Variants in FAM169A observed in about 807,000 individuals in gnomAD.
FAM169A encodes family with sequence similarity 169 member A, also known as soluble lamin-associated protein of 75 kDa.
In FAM169A, 24 loss-of-function variants were observed where a neutral mutation model predicts 75.7. The ratio of observed to expected loss-of-function variants is 0.32; its 90% CI spans 0.23 to 0.45. The LOEUF (loss-of-function observed/expected upper bound fraction) is 0.45, where lower values mean the gene tolerates loss of function less well. FAM169A is among the 20% of genes least tolerant of loss of function. FAM169A has a pLI of 1.00. For missense variants in FAM169A, 673 were observed against 784.0 expected, an observed-to-expected ratio of 0.86 and a Z score of 1.69; for synonymous variants, 271 against 271.0, an observed-to-expected ratio of 1.00 and a Z score of 0.00.
intron 8 of FAM169A, 79 bp downstream of exon 8, chr5:74,804,414 C>A: frequency 3.4e-6 from 2 of 582,212 alleles, no homozygotes; most frequent in South Asian, 9.0e-5. Flanking sequence ...ACATTTAAAA[C>A]TCAAATATAA....
At chr5:74,813,818 T>C (rs201612701) in intron 6 of FAM169A, 22 bp downstream of exon 6, 26 of 1,482,444 alleles carry the variant, frequency 1.8e-5, no homozygotes, top group Non-Finnish European at 2.2e-5. Flanking sequence ...AAGTTTATTA[T>C]TTTTTAACTT....
At chr5:74,788,031 G>A (rs1745783704) in intron 11 of FAM169A, among the ~76,000 whole-genome samples, 1 of 152,110 alleles carries the variant, frequency 6.6e-6, no homozygotes, top group Non-Finnish European at 1.5e-5. Context: ...CTTCCCCAAG[G>A]AGACCTCTGG....
At chr5:74,805,420 C>G in intron 6 of FAM169A, 136 bp from the exon 7 acceptor site, 1 of 583,330 alleles carries the variant, frequency 1.7e-6, no homozygotes, top group Admixed American at 3.3e-5. Flanking sequence ...CAACACAACT[C>G]AAGTATACAG....
chr5:74,779,728 G>C lies in FAM169A; in HGVS notation c.*1732C>G, dbSNP rs1745317809. On this transcript the variant is annotated 3_prime_UTR_variant, in exon 13 of 13. Coordinates refer to ENST00000687041, the MANE Select transcript of FAM169A (RefSeq NM_001376049.1). Reference sequence around the variant, plus strand: ...TCTGGCTTACCTTTGACTAATTAAAGAAAATATAGGGTAATACAATTGTTC... The same window carrying C: ...TCTGGCTTACCTTTGACTAATTAAACAAAATATAGGGTAATACAATTGTTC... 6.6e-6 allele frequency: 1 copy of C among 151,864 alleles called. No homozygotes were observed. Among genetic ancestry groups the C allele is most frequent in the African/African-American group, 2.4e-5 (1 of 41,340 alleles). The allele number at this position is 151,864 out of a possible 1,614,324, so 9.4% of individuals were successfully genotyped here. A position where few individuals can be genotyped will look rare whatever the true frequency, so the allele number is the denominator to read the frequency against.
At chr5:74,783,168 C>T (rs1455203579) in intron 11 of FAM169A, 34 bp from the exon 12 acceptor site, 2 of 1,501,740 alleles carry the variant, frequency 1.3e-6, no homozygotes, top group African/African-American at 1.4e-5. Flanking sequence ...AAAGTAAGGA[C>T]ATGATTACAA....
chr5:74,857,571 G>GAAAAAAAAAAAAAAA (rs1561328873), intron 1 of FAM169A, among the ~76,000 whole-genome samples: 1 of 65,744 alleles, frequency 1.5e-5, no homozygotes, highest in African/African-American at 6.3e-5. Context: ...CCTTGCCGCG[G>GAAAAAAAAAAAAAAA]GAAAAAAAAA....
chr5:74,790,585 A>C (rs1234760226), intron 11 of FAM169A, among the ~76,000 whole-genome samples: 2 of 152,128 alleles, frequency 1.3e-5, no homozygotes, highest in Non-Finnish European at 2.9e-5. Flanking sequence ...GCAGAGGAGG[A>C]TTTTAATAAT....
Position 74,804,604 on chromosome 5 carries a change from T to G in FAM169A, c.801A>C (p.Ala267=). 1 of 1,549,590 alleles carries G rather than the reference T, an allele frequency of 6.5e-7. No homozygotes were observed. The highest frequency in any genetic ancestry group is 8.9e-7 in the Non-Finnish European group (1 of 1,124,290). The change falls in exon 8 of 13, where the codon GCA becomes GCC. Residue 267 remains alanine, a splice_region_variant and synonymous_variant. Transcript: ENST00000687041. ...ALQREALKIL[A]LSQNEPKRPM... ...GTCTTTTAGGTTCATTTTGAGAAAGTGCTGCGTATAGAAGAATTTTAAAAA... is the reference window on the plus strand; with the variant it reads ...GTCTTTTAGGTTCATTTTGAGAAAGGGCTGCGTATAGAAGAATTTTAAAAA...
chr5:74,788,171 G>A (rs892993072), intron 11 of FAM169A, among the ~76,000 whole-genome samples: 1 of 152,218 alleles, frequency 6.6e-6, no homozygotes, highest in Non-Finnish European at 1.5e-5. Context: ...TCCAGTTAAA[G>A]TAGGGGCTTA....
chr5:74,831,746 C>T (rs1748320946), intron 5 of FAM169A, among the ~76,000 whole-genome samples: 1 of 152,136 alleles, frequency 6.6e-6, no homozygotes, highest in Non-Finnish European at 1.5e-5. Context: ...CTGTCCTCGA[C>T]TTGTGAGGAG....
At chr5:74,810,974 ATTTTT>A (rs764689046) in intron 6 of FAM169A, among the ~76,000 whole-genome samples, 2 of 99,868 alleles carry the variant, frequency 2.0e-5, no homozygotes, top group Non-Finnish European at 3.9e-5. Flanking sequence ...CTAGGCCTGG[ATTTTT>A]TTTTTTTTTT....
intron 10 of FAM169A, 84 bp from the exon 11 acceptor site, chr5:74,796,270 T>G: frequency 7.9e-7 from 1 of 1,264,114 alleles, no homozygotes; most frequent in Non-Finnish European, 1.1e-6. Context: ...AAGTAACATT[T>G]TAGAGAATCA....
chr5:74,818,866 G>T (rs1026910083), intron 5 of FAM169A, among the ~76,000 whole-genome samples: 2 of 147,342 alleles, frequency 1.4e-5, no homozygotes, highest in African/African-American at 5.0e-5. Flanking sequence ...GCAGGTTTTC[G>T]TATGTCAGTT....
intron 11 of FAM169A, among the ~76,000 whole-genome samples, chr5:74,795,124 G>T (rs934864391): frequency 6.6e-6 from 1 of 151,994 alleles, no homozygotes; most frequent in African/African-American, 2.4e-5. Flanking sequence ...TGGGTATGGT[G>T]GGGGGAACCT....
chr5:74,856,792 C>T (rs942884810), intron 1 of FAM169A, among the ~76,000 whole-genome samples: 7 of 150,370 alleles, frequency 4.7e-5, no homozygotes, highest in Non-Finnish European at 1.0e-4. Context: ...GTTTTATTCC[C>T]TTCCAAGGGG....
At chr5:74,806,060 A>G (rs935509495) in intron 6 of FAM169A, among the ~76,000 whole-genome samples, 1 of 152,068 alleles carries the variant, frequency 6.6e-6, no homozygotes, top group Non-Finnish European at 1.5e-5. Flanking sequence ...GTAGATACCA[A>G]GTATTTGAAA....
chr5:74,804,886 T>C (rs1746784144), intron 7 of FAM169A, among the ~76,000 whole-genome samples: 1 of 152,206 alleles, frequency 6.6e-6, no homozygotes, highest in African/African-American at 2.4e-5. Context: ...GTTTGAGTAA[T>C]CTACGTTTAT....
At chr5:74,856,068 C>G (rs1326890254) in intron 1 of FAM169A, among the ~76,000 whole-genome samples, 2 of 152,126 alleles carry the variant, frequency 1.3e-5, no homozygotes, top group Non-Finnish European at 2.9e-5. Flanking sequence ...TTCATGTTAC[C>G]TTTGTCAAAA....
At chr5:74,844,323 A>G (rs1749035296) in intron 1 of FAM169A, among the ~76,000 whole-genome samples, 1 of 152,028 alleles carries the variant, frequency 6.6e-6, no homozygotes, top group South Asian at 2.1e-4. Context: ...TTAGCCGGGT[A>G]TGGTGGTATG....
Sources: allele counts gnomAD v4.1 joint callset (sites outside exome capture counted in the v4.1 genomes callset), GRCh38; gene constraint gnomAD v4.1.1; transcripts MANE v1.5; gene names NCBI Gene and HGNC (gene_info 2026-07-23, HGNC 2026-07-21).